Variants in PHYKPL observed in about 807,000 individuals in gnomAD.
The protein encoded by PHYKPL is 5-phosphohydroxy-L-lysine phospho-lyase, also known as 5-phosphonooxy-L-lysine phospho-lyase.
PHYKPL carries 42 observed loss-of-function variants against 51.3 expected under a neutral mutation model. The ratio of observed to expected loss-of-function variants is 0.82; its 90% CI spans 0.64 to 1.06. PHYKPL has a LOEUF of 1.06. Ranked by LOEUF, PHYKPL falls within the 50% of genes least tolerant of loss-of-function variation. The pLI is 0.00. For synonymous variants in PHYKPL, 264 were observed against 236.0 expected, an observed-to-expected ratio of 1.12 and a Z score of -1.09; for missense variants, 655 against 586.6, an observed-to-expected ratio of 1.12 and a Z score of -1.20.
downstream of PHYKPL, among the ~76,000 whole-genome samples, chr5:178,207,777 A>C (rs1561663010): frequency 7.3e-6 from 1 of 136,456 alleles, no homozygotes; most frequent in Non-Finnish European, 1.5e-5. Flanking sequence ...ATCATGGCTC[A>C]CTGCAACCTT....
chr5:178,215,370 C>G lies in PHYKPL; in HGVS notation c.988G>C (p.Glu330Gln). The change falls in exon 9 of 13, where the codon GAG becomes CAG. Residue 330 changes from glutamate to glutamine, a missense_variant. Coordinates refer to ENST00000308158, the MANE Select transcript of PHYKPL (RefSeq NM_153373.4). ...CTGGTGGCATGATCCTGGAGCTGCT[C>G]CTTCTCCAAGACATTCAGGACGGCC... is the stretch of plus-strand genomic sequence containing the variant. The part of the protein sequence containing the change: ...GLAVLNVLEK[E>Q]QLQDHATSVG... 9 of 1,614,018 alleles carry G rather than the reference C, an allele frequency of 5.6e-6. No homozygotes were observed. The highest frequency in any genetic ancestry group is 1.1e-5 in the South Asian group (1 of 91,050).
Position 178,214,393 on chromosome 5 carries a change from C to T in PHYKPL, c.1172+403G>A, listed in dbSNP as rs908073842. ...AACCACCTGTCGTGCGGCATGGGAA[C>T]CCTGAGTCTAGTGCTGCCACAGCTC... is the stretch of plus-strand genomic sequence containing the variant. On this transcript the variant is annotated intron_variant, in intron 10 of 12. Coordinates refer to ENST00000308158, the MANE Select transcript of PHYKPL (RefSeq NM_153373.4). 3.3e-5 allele frequency among the ~76,000 whole-genome samples: 5 copies of T among 152,182 alleles called. No homozygotes were observed. In the East Asian group the frequency reaches 9.7e-4, roughly 29 times the overall value.
At chr5:178,223,303 C>T (rs1422151033) in intron 6 of PHYKPL, 2 of 450,888 alleles carry the variant, frequency 4.4e-6, no homozygotes, top group Non-Finnish European at 8.9e-6. Context: ...TACTCCTTGC[C>T]CTCTGCCTGG....
intron 8 of PHYKPL, among the ~76,000 whole-genome samples, chr5:178,218,790 G>A (rs1333884227): frequency 6.6e-6 from 1 of 152,170 alleles, no homozygotes; most frequent in Non-Finnish European, 1.5e-5. Flanking sequence ...CTTTATAGGT[G>A]AGTTTTTACC....
At chr5:178,222,752 C>G (rs111909975) in intron 7 of PHYKPL, 100 bp downstream of exon 7, 18 of 1,424,728 alleles carry the variant, frequency 1.3e-5, no homozygotes, top group African/African-American at 9.9e-5. Context: ...TCTCAAAATT[C>G]TGGCAGTCAG....
At chr5:178,222,243 G>T in intron 8 of PHYKPL, 112 bp downstream of exon 8, 1 of 892,676 alleles carries the variant, frequency 1.1e-6, no homozygotes, top group Non-Finnish European at 1.7e-6. Flanking sequence ...CGTCTTGGAA[G>T]CGTGTGCTGG....
chr5:178,214,988 G>A (rs1581235797), intron 9 of PHYKPL, 103 bp from the exon 10 acceptor site: 1 of 1,037,448 alleles, frequency 9.6e-7, no homozygotes, highest in African/African-American at 1.6e-5. Context: ...GGGGCTGAGT[G>A]CAGGAGGCAC....
chr5:178,218,216 C>CAAAAAAAAAA (rs777929826), intron 8 of PHYKPL, among the ~76,000 whole-genome samples: 27 of 58,116 alleles, frequency 4.6e-4, no homozygotes, highest in Non-Finnish European at 5.0e-4. Flanking sequence ...AACTCCGTCT[C>CAAAAAAAAAA]AAAAAAAAAA....
intron 7 of PHYKPL, 106 bp from the exon 8 acceptor site, chr5:178,222,686 G>C: frequency 1.5e-6 from 2 of 1,372,274 alleles, no homozygotes; most frequent in Non-Finnish European, 2.0e-6. Flanking sequence ...GCAGTAAGGT[G>C]GGGACCTTGG....
intron 3 of PHYKPL, among the ~76,000 whole-genome samples, chr5:178,228,795 C>T (rs773046743): frequency 1.3e-5 from 2 of 152,208 alleles, no homozygotes; most frequent in Non-Finnish European, 2.9e-5. Flanking sequence ...GACCTTTCAC[C>T]TGGCCACTGA....
At position 178,208,897 on chromosome 5, in the gene PHYKPL, TG is replaced by T. The variant is rs1256580326; in HGVS notation, c.*49del. The T allele has an allele frequency of 6.4e-6, 1 of 157,058 alleles. No individual in the cohort carries two copies. The highest frequency in any genetic ancestry group is 2.4e-5 in the African/African-American group (1 of 41,524). The allele number at this position is 157,058 out of a possible 1,614,324, so 9.7% of individuals were successfully genotyped here. A position where few individuals can be genotyped will look rare whatever the true frequency, so the allele number is the denominator to read the frequency against. On this transcript the variant is annotated 3_prime_UTR_variant, in exon 13 of 13. Transcript: ENST00000308158. ...GCTCGCCTTCTCAATAGCGTGTATT[TG>T]GATGAGATGAGTTTCTTCTGTAAAG...
chr5:178,230,047 C>G lies in PHYKPL; in HGVS notation c.231G>C (p.Val77=). Residue 77 remains valine (V), a synonymous_variant, in exon 3 of 13, where the codon GTG becomes GTC. Transcript: ENST00000308158. ...GCAGGTACCGGCTGTTGGTGTTGAG[C>G]ACCTGGTTCTGCTCATGTGCTGCTT... ...VVQAAHEQNQ[V]LNTNSRYLHD... The G allele has an allele frequency of 1.9e-6, 3 of 1,614,214 alleles. No homozygotes were observed. Among genetic ancestry groups the G allele is most frequent in the Non-Finnish European group, 2.5e-6 (3 of 1,180,042 alleles).
chr5:178,215,389 G>C lies in PHYKPL; in HGVS notation c.969C>G (p.Val323=). The change falls in exon 9 of 13, where the codon GTC becomes GTG. Residue 323 remains valine, a synonymous_variant. Transcript: ENST00000308158. The stretch of plus-strand genomic sequence containing the variant: ...GCTGCTCCTTCTCCAAGACATTCAG[G>C]ACGGCCAGCCCCACAGCGCAGGACA... ...SPVSCAVGLA[V]LNVLEKEQLQ... 1 of 1,613,938 alleles carries C rather than the reference G, an allele frequency of 6.2e-7. No homozygotes were observed. Among genetic ancestry groups the C allele is most frequent in the Non-Finnish European group, 8.5e-7 (1 of 1,179,968 alleles).
chr5:178,222,926 G>C lies in PHYKPL; in HGVS notation c.627C>G (p.Ala209=). 1.9e-6 allele frequency: 3 copies of C among 1,614,136 alleles called. No homozygotes were observed. Among genetic ancestry groups the C allele is most frequent in the Non-Finnish European group, 2.5e-6 (3 of 1,180,008 alleles). The change falls in exon 7 of 13, where the codon GCC becomes GCG. Residue 209 remains alanine, a synonymous_variant. Coordinates refer to ENST00000308158, the MANE Select transcript of PHYKPL (RefSeq NM_153373.4). ...SAQEKGRKIA[A]FFAESLPSVG... is the part of the protein sequence containing the mutation. ...CACTGGGCAGAGACTCAGCGAAGAA[G>C]GCTGCAATCTGTGAAGAGATGGACA... is the stretch of plus-strand genomic sequence containing the variant.
chr5:178,224,749 G>GTACCC lies in PHYKPL; in HGVS notation c.414-21_414-20insGGGTA. ...TACGCACTGGGGAGGAGAAGGGAGG[G>GTACCC]TAGGCTCGGGTCCGGGCAGCACCTA... On this transcript the variant is annotated intron_variant, in intron 4 of 12. Transcript: ENST00000308158. The GTACCC allele has an allele frequency of 6.3e-7, 1 of 1,594,592 alleles. No homozygotes were observed. The highest frequency in any genetic ancestry group is 1.1e-5 in the South Asian group (1 of 89,966).
In PHYKPL at chr5:178,232,759, G is replaced by C. The variant is rs749162257; in HGVS notation, c.-209C>G. On this transcript the variant is annotated 5_prime_UTR_variant, in exon 1 of 13. Transcript: ENST00000308158. The stretch of plus-strand genomic sequence containing the variant: ...CCTGGCAGCCTTCCGGCCCGTGGTC[G>C]TGCCTTGGCAGTCCCGCGCAGGAAC... 2.5e-5 allele frequency: 12 copies of C among 470,812 alleles called. No homozygotes were observed. Among genetic ancestry groups the C allele is most frequent in the Middle Eastern group, 6.3e-4 (1 of 1,600 alleles). The allele number at this position is 470,812 out of a possible 1,614,324, so 29.2% of individuals were successfully genotyped here.
intron 10 of PHYKPL, among the ~76,000 whole-genome samples, chr5:178,214,470 G>C (rs1759330675): frequency 6.6e-6 from 1 of 152,180 alleles, no homozygotes; most frequent in African/African-American, 2.4e-5. Context: ...GGTGGCATTA[G>C]GGGTTCCTGG....
intron 8 of PHYKPL, chr5:178,217,065 C>A (rs1450486732): frequency 4.0e-5 from 6 of 151,688 alleles, no homozygotes; most frequent in Admixed American, 3.9e-4. Context: ...TGTTAAGAGA[C>A]CTAAAGGAAA....
At chr5:178,211,061 G>T in intron 12 of PHYKPL, 1 of 189,394 alleles carries the variant, frequency 5.3e-6, no homozygotes, top group Non-Finnish European at 1.1e-5. Context: ...GTACCTTTTG[G>T]GAATCTAATG....
Sources: allele counts gnomAD v4.1 joint callset (sites outside exome capture counted in the v4.1 genomes callset), GRCh38; gene constraint gnomAD v4.1.1; transcripts MANE v1.5; gene names NCBI Gene and HGNC (gene_info 2026-07-23, HGNC 2026-07-21).